RIMS2: variants seen among roughly 807,000 people sequenced by gnomAD.
The protein encoded by RIMS2 is regulating synaptic membrane exocytosis protein 2.
In RIMS2, 59 loss-of-function variants were observed where a neutral mutation model predicts 174.4. The observed-to-expected ratio is 0.34, with a 90% CI of 0.27 to 0.42. The LOEUF (loss-of-function observed/expected upper bound fraction) is 0.42. RIMS2 is among the 10% of genes least tolerant of loss of function. RIMS2 has a pLI of 1.00. For missense variants in RIMS2, 1,620 were observed against 1,666.3 expected (o/e 0.97, Z 0.48); for synonymous variants, 606 against 572.5 (o/e 1.06, Z -0.84).
rs565204748 is a variant in RIMS2, at chr8:103,971,028, A to G, written c.2771-4322A>G. The stretch of plus-strand genomic sequence containing the variant: ...TTCTAGGCATGGAGTTTTCCCCCCC[A>G]TAGTATACTGAGCAACAGGAATGGG... On this transcript the variant is annotated intron_variant, in intron 15 of 23. Coordinates refer to ENST00000504942, the Ensembl canonical transcript of RIMS2. 1.1e-4 allele frequency among the ~76,000 whole-genome samples: 17 copies of G among 152,212 alleles called. No homozygotes were observed. In the South Asian group the frequency reaches 3.1e-3, roughly 28 times the overall value.
At chr8:103,710,242 A>G (rs1373142319) in intron 2 of RIMS2, among the ~76,000 whole-genome samples, 2 of 152,180 alleles carry the variant, frequency 1.3e-5, no homozygotes, top group African/African-American at 4.8e-5. Flanking sequence ...ATTTAATTAT[A>G]AAGCTATTTA....
intron 3 of RIMS2, among the ~76,000 whole-genome samples, chr8:103,806,637 C>T (rs1004207544): frequency 6.6e-6 from 1 of 151,302 alleles, no homozygotes; most frequent in African/African-American, 2.4e-5. Flanking sequence ...TGTGTGTGGG[C>T]AATCTTTGGT....
intron 19 of RIMS2, among the ~76,000 whole-genome samples, chr8:104,021,382 A>G (rs1431146258): frequency 2.0e-5 from 3 of 152,168 alleles, no homozygotes; most frequent in East Asian, 1.9e-4. Flanking sequence ...ATGTTTTTAC[A>G]TATTTGTCAT....
At chr8:103,950,693 G>T (rs1211020837) in intron 14 of RIMS2, among the ~76,000 whole-genome samples, 2 of 152,146 alleles carry the variant, frequency 1.3e-5, no homozygotes, top group African/African-American at 4.8e-5. Context: ...GTAAAAGACT[G>T]CATTCTTTCC....
At chr8:104,066,470 C>G (rs1404249017) in intron 19 of RIMS2, among the ~76,000 whole-genome samples, 2 of 152,032 alleles carry the variant, frequency 1.3e-5, no homozygotes, top group African/African-American at 4.8e-5. Flanking sequence ...GAGAAACTTT[C>G]CAAACACACC....
intron 19 of RIMS2, among the ~76,000 whole-genome samples, chr8:104,231,107 C>T (rs1225473308): frequency 6.6e-6 from 1 of 152,136 alleles, no homozygotes; most frequent in Non-Finnish European, 1.5e-5. Flanking sequence ...GTTTTTCTTT[C>T]CCATTCTCGT....
At chr8:104,020,730 A>T (rs1357147458) in intron 19 of RIMS2, among the ~76,000 whole-genome samples, 1 of 152,040 alleles carries the variant, frequency 6.6e-6, no homozygotes, top group African/African-American at 2.4e-5. Flanking sequence ...GTAGAAGTTT[A>T]AAGTAGAAAA....
At chr8:103,643,440 C>T (rs2096269257) in intron 1 of RIMS2, among the ~76,000 whole-genome samples, 1 of 151,924 alleles carries the variant, frequency 6.6e-6, no homozygotes, top group African/African-American at 2.4e-5. Flanking sequence ...TTTTTCTTGC[C>T]ACTTAGAATG....
At chr8:103,704,817 C>A (rs1439328815) in intron 2 of RIMS2, among the ~76,000 whole-genome samples, 1 of 151,786 alleles carries the variant, frequency 6.6e-6, no homozygotes. Context: ...GTTTTAATGT[C>A]TTCTTTTTTA....
chr8:103,936,486 T>G, intron 12 of RIMS2, 65 bp from the exon 15 acceptor site: 1 of 1,100,596 alleles, frequency 9.1e-7, no homozygotes, highest in Non-Finnish European at 1.3e-6. Context: ...AATTTTAAAT[T>G]AAAAAATTTT....
intron 19 of RIMS2, among the ~76,000 whole-genome samples, chr8:104,136,512 G>T (rs1258172210): frequency 1.3e-5 from 2 of 152,116 alleles, no homozygotes; most frequent in African/African-American, 2.4e-5. Flanking sequence ...TTGACATTTT[G>T]TAGATAATAA....
intron 19 of RIMS2, among the ~76,000 whole-genome samples, chr8:104,190,290 A>T (rs2098990939): frequency 1.3e-5 from 2 of 152,006 alleles, no homozygotes; most frequent in Admixed American, 1.3e-4. Flanking sequence ...ACAGAGTGGG[A>T]CCCTGTATCT....
chr8:103,603,576 G>A (rs1461360227), intron 1 of RIMS2, among the ~76,000 whole-genome samples: 2 of 152,064 alleles, frequency 1.3e-5, no homozygotes, highest in African/African-American at 2.4e-5. Context: ...TCGCCACATT[G>A]ACTTCCACAA....
chr8:103,895,559 A>G (rs1474335987), intron 4 of RIMS2, among the ~76,000 whole-genome samples: 1 of 151,520 alleles, frequency 6.6e-6, no homozygotes, highest in Non-Finnish European at 1.5e-5. Context: ...TGTATTGGGG[A>G]TTAAGGCTTC....
intron 3 of RIMS2, among the ~76,000 whole-genome samples, chr8:103,862,670 G>A (rs539366170): frequency 1.3e-4 from 19 of 151,988 alleles, no homozygotes; most frequent in Admixed American, 2.6e-4. Context: ...AGTTCTCCTC[G>A]TAGAGATCTT....
intron 19 of RIMS2, chr8:104,094,843 G>C (rs777351107): frequency 6.5e-5 from 37 of 567,060 alleles, no homozygotes; most frequent in Non-Finnish European, 2.5e-5. Context: ...TATCTATTTA[G>C]CTTCTAATAT....
intron 1 of RIMS2, among the ~76,000 whole-genome samples, chr8:103,622,002 C>G (rs1159273875): frequency 6.6e-6 from 1 of 151,864 alleles, no homozygotes; most frequent in Non-Finnish European, 1.5e-5. Flanking sequence ...TAAAAATAAT[C>G]CAAAAATATT....
chr8:103,627,311 T>C (rs1222046403), intron 1 of RIMS2, among the ~76,000 whole-genome samples: 1 of 152,232 alleles, frequency 6.6e-6, no homozygotes, highest in African/African-American at 2.4e-5. Context: ...TATCTTCCCT[T>C]GTTCCCTGAA....
At chr8:104,210,847 AG>A (rs1193275274) in intron 19 of RIMS2, among the ~76,000 whole-genome samples, 1 of 152,238 alleles carries the variant, frequency 6.6e-6, no homozygotes, top group Non-Finnish European at 1.5e-5. Context: ...ATTTTAAATA[AG>A]GAGCTCAGTT....
Sources: allele counts gnomAD v4.1 joint callset (sites outside exome capture counted in the v4.1 genomes callset), GRCh38; gene constraint gnomAD v4.1.1; transcripts MANE v1.5; gene names NCBI Gene and HGNC (gene_info 2026-07-23, HGNC 2026-07-21).